The following ATP6V0A1 variants were observed in gnomAD, a reference collection of about 807,000 sequenced individuals.
The protein encoded by ATP6V0A1 is V-type proton ATPase 116 kDa subunit a 1.
ATP6V0A1 carries 43 observed loss-of-function variants against 105.4 expected under a neutral mutation model. The ratio of observed to expected loss-of-function variants is 0.41; its 90% CI spans 0.32 to 0.53. ATP6V0A1 has a LOEUF of 0.53. Among genes scored for constraint, ATP6V0A1 ranks in the 20% least tolerant of loss-of-function variants. The probability of loss-of-function intolerance (pLI) is 0.30; values close to 1 mark genes in which losing one functional copy is unlikely to be tolerated. For missense variants in ATP6V0A1, 676 were observed against 1,051.1 expected (o/e 0.64, Z 4.93); for synonymous variants, 362 against 372.8 (o/e 0.97, Z 0.33).
At chr17:42,518,977 G>A (rs2092731672) in intron 21 of ATP6V0A1, 1 of 152,344 alleles carries the variant, frequency 6.6e-6, no homozygotes, top group East Asian at 1.9e-4. Context: ...CCAGCTTTGT[G>A]CTGGGTGGTT....
At chr17:42,505,271 T>C (rs2091944067) in intron 17 of ATP6V0A1, among the ~76,000 whole-genome samples, 1 of 152,202 alleles carries the variant, frequency 6.6e-6, no homozygotes, top group Non-Finnish European at 1.5e-5. Flanking sequence ...AGTGGCACGA[T>C]CTTGGCTCAC....
rs112767828 is a variant in ATP6V0A1, at chr17:42,482,822, A to G, written c.717-216A>G. Among the ~76,000 whole-genome samples the G allele has an allele frequency of 9.3e-3, 1,384 of 148,098 alleles. 26 individuals carry two copies. Among genetic ancestry groups the G allele is most frequent in the African/African-American group, 0.032 (1,273 of 39,906 alleles). ...TGAGGCAGAAGAATCACTTGAACCC[A>G]GGGGCAGAGGTTGCAGTGAGCTGAG... On this transcript the variant is annotated intron_variant, in intron 8 of 21. Transcript: ENST00000343619.
intron 21 of ATP6V0A1, chr17:42,520,088 C>T (rs758920208): frequency 2.1e-4 from 45 of 217,788 alleles, no homozygotes; most frequent in Admixed American, 7.3e-4. Context: ...TCACCCTGCA[C>T]GTGACCTGTC....
intron 2 of ATP6V0A1, among the ~76,000 whole-genome samples, chr17:42,463,930 G>A (rs2086731896): frequency 6.6e-6 from 1 of 152,166 alleles, no homozygotes; most frequent in Non-Finnish European, 1.5e-5. Context: ...AAGATAAACT[G>A]TATTTACTGA....
chr17:42,497,834 G>A (rs1457924737), intron 14 of ATP6V0A1, among the ~76,000 whole-genome samples: 2 of 150,594 alleles, frequency 1.3e-5, no homozygotes, highest in Non-Finnish European at 2.9e-5. Flanking sequence ...TCAAGAGATC[G>A]AGACCTTCCT....
chr17:42,515,743 G>A (rs145432649), intron 21 of ATP6V0A1, among the ~76,000 whole-genome samples: 38 of 152,224 alleles, frequency 2.5e-4, no homozygotes, highest in African/African-American at 8.9e-4. Flanking sequence ...AGCCAAGATC[G>A]CGCCATTGTA....
At chr17:42,515,510 G>T (rs2092582242) in intron 21 of ATP6V0A1, among the ~76,000 whole-genome samples, 1 of 150,642 alleles carries the variant, frequency 6.6e-6, no homozygotes, top group Non-Finnish European at 1.5e-5. Flanking sequence ...TGGGGGCCAG[G>T]CACGGTGGTT....
intron 17 of ATP6V0A1, among the ~76,000 whole-genome samples, chr17:42,503,322 G>A (rs2091820593): frequency 6.6e-6 from 1 of 152,188 alleles, no homozygotes; most frequent in African/African-American, 2.4e-5. Flanking sequence ...ATCTTTTTTA[G>A]TAGTAACTTA....
intron 5 of ATP6V0A1, among the ~76,000 whole-genome samples, chr17:42,473,158 C>T (rs77844640): frequency 0.015 from 2,251 of 152,240 alleles, 59 homozygotes; most frequent in African/African-American, 0.052. Flanking sequence ...CTCACAGAGT[C>T]GAGAATTTTG....
At chr17:42,480,457 A>G in intron 7 of ATP6V0A1, 1 of 444,654 alleles carries the variant, frequency 2.2e-6, no homozygotes, top group Non-Finnish European at 4.0e-6. Context: ...AAAAACAAAT[A>G]GAGAAAGATT....
chr17:42,510,445 C>T (rs2092295828), intron 19 of ATP6V0A1: 1 of 152,234 alleles, frequency 6.6e-6, no homozygotes, highest in South Asian at 2.1e-4. Flanking sequence ...AGAGGAGACC[C>T]TGGAAGACTC....
chr17:42,496,621 A>G (rs1397525367), intron 14 of ATP6V0A1: 1 of 152,024 alleles, frequency 6.6e-6, no homozygotes, highest in Non-Finnish European at 1.5e-5. Flanking sequence ...CAGGTGGATC[A>G]CTTGAGGTCA....
At chr17:42,485,738 G>A (rs1257459066) in intron 9 of ATP6V0A1, among the ~76,000 whole-genome samples, 2 of 152,082 alleles carry the variant, frequency 1.3e-5, no homozygotes, top group East Asian at 3.9e-4. Flanking sequence ...GTATGTTTTT[G>A]TAGAGATAGG....
Position 42,500,753 on chromosome 17 carries a change from A to G in ATP6V0A1, c.1726A>G (p.Ile576Val). 3.1e-6 allele frequency: 5 copies of G among 1,614,068 alleles called. No individual in the cohort carries two copies. The highest frequency in any genetic ancestry group is 4.2e-6 in the Non-Finnish European group (5 of 1,179,920). Residue 576 changes from isoleucine (I) to valine (V), a missense_variant, in exon 16 of 22, where the codon ATA becomes GTA. Ile to Val is a conservative substitution (Grantham distance 29). Transcript: ENST00000343619. ...TATCTACTTTGGATTTATTCCTGAA[A>G]TAATCTTCATGACCTCTTTGTTTGG... ...LNIYFGFIPE[I>V]IFMTSLFGYL...
intron 5 of ATP6V0A1, among the ~76,000 whole-genome samples, chr17:42,472,618 T>C (rs1365100759): frequency 6.6e-6 from 1 of 151,712 alleles, no homozygotes; most frequent in Non-Finnish European, 1.5e-5. Flanking sequence ...CAGCTATTCA[T>C]GAGGCTGAGG....
intron 5 of ATP6V0A1, among the ~76,000 whole-genome samples, chr17:42,473,714 G>A (rs1382241085): frequency 6.6e-6 from 1 of 152,130 alleles, no homozygotes; most frequent in Non-Finnish European, 1.5e-5. Flanking sequence ...ATGAGAGCCA[G>A]CTTCCTATTA....
At chr17:42,490,134 G>A (rs987809227) in intron 10 of ATP6V0A1, among the ~76,000 whole-genome samples, 1 of 152,172 alleles carries the variant, frequency 6.6e-6, no homozygotes, top group African/African-American at 2.4e-5. Context: ...CTTTCTCCAT[G>A]AAAGGGGGAG....
At chr17:42,498,086 A>G (rs1210359774) in intron 14 of ATP6V0A1, among the ~76,000 whole-genome samples, 1 of 152,068 alleles carries the variant, frequency 6.6e-6, no homozygotes, top group Non-Finnish European at 1.5e-5. Flanking sequence ...CCCCATCTCT[A>G]CTAAAAATAC....
intron 17 of ATP6V0A1, among the ~76,000 whole-genome samples, chr17:42,505,352 C>T (rs1489673739): frequency 2.0e-5 from 3 of 152,160 alleles, no homozygotes; most frequent in Non-Finnish European, 4.4e-5. Context: ...ATTACAGGCA[C>T]CCACCACCTC....
Sources: allele counts gnomAD v4.1 joint callset (sites outside exome capture counted in the v4.1 genomes callset), GRCh38; gene constraint gnomAD v4.1.1; transcripts MANE v1.5; gene names NCBI Gene and HGNC (gene_info 2026-07-23, HGNC 2026-07-21).